The following FGF12 variants were observed in gnomAD, a reference collection of about 807,000 sequenced individuals.
The protein encoded by FGF12 is fibroblast growth factor 12B.
Under a neutral mutation model 23.6 loss-of-function variants are expected in FGF12, and 14 were observed. The ratio of observed to expected loss-of-function variants is 0.59; its 90% CI spans 0.39 to 0.93. FGF12 has a LOEUF of 0.93. FGF12 is among the 40% of genes least tolerant of loss of function. FGF12 has a pLI of 0.00. For synonymous variants in FGF12, 62 were observed against 77.3 expected (o/e 0.80, Z 1.04); for missense variants, 175 against 217.8 (o/e 0.80, Z 1.24).
At chr3:192,690,361 A>C (rs116702110) in intron 2 of FGF12, among the ~76,000 whole-genome samples, 1 of 152,152 alleles carries the variant, frequency 6.6e-6, no homozygotes, top group African/African-American at 2.4e-5. Flanking sequence ...TAACTTGTTA[A>C]TGGTGATATA....
chr3:192,165,436 G>T (rs1482514287), intron 5 of FGF12, among the ~76,000 whole-genome samples: 1 of 151,806 alleles, frequency 6.6e-6, no homozygotes, highest in Non-Finnish European at 1.5e-5. Flanking sequence ...TTCTATGAAG[G>T]AACATGGTTT....
chr3:192,695,171 T>C (rs1036244886), intron 2 of FGF12, among the ~76,000 whole-genome samples: 1 of 152,198 alleles, frequency 6.6e-6, no homozygotes, highest in African/African-American at 2.4e-5. Context: ...AGCATATTTA[T>C]CTCTGAGTTG....
intron 2 of FGF12, among the ~76,000 whole-genome samples, chr3:192,557,513 C>G (rs1253314466): frequency 6.6e-6 from 1 of 151,730 alleles, no homozygotes; most frequent in African/African-American, 2.4e-5. Flanking sequence ...ATCATTTTTT[C>G]TCAAACTCTT....
chr3:192,166,830 GT>G (rs370876138), intron 5 of FGF12, among the ~76,000 whole-genome samples: 129 of 148,728 alleles, frequency 8.7e-4, no homozygotes, highest in African/African-American at 2.9e-3. Flanking sequence ...AACCAATTAA[GT>G]TTTTTTTTTC....
rs560329142 is a variant in FGF12 at position 192,353,602 on chromosome 3, C to A, written c.124+6826G>T. 1.8e-3 allele frequency among the ~76,000 whole-genome samples: 273 copies of A among 152,152 alleles called. 2 individuals carry two copies. The highest frequency in any genetic ancestry group is 6.4e-3 in the African/African-American group (264 of 41,514). On this transcript the variant is annotated intron_variant, in intron 3 of 5. Transcript: ENST00000445105. ...GCCAGGATGGTCTCGATCACCTGAC[C>A]TTGTGATCCGCCAGCCTCGGCCTCC...
intron 2 of FGF12, among the ~76,000 whole-genome samples, chr3:192,696,579 G>A (rs1718131044): frequency 6.6e-6 from 1 of 152,174 alleles, no homozygotes; most frequent in South Asian, 2.1e-4. Context: ...GCTGGAACAA[G>A]AGGCACAAAG....
intron 5 of FGF12, among the ~76,000 whole-genome samples, chr3:192,147,957 A>C (rs537347182): frequency 1.3e-5 from 2 of 152,212 alleles, no homozygotes; most frequent in East Asian, 3.9e-4. Flanking sequence ...TCAAAAAAGA[A>C]AGTAACAAGA....
chr3:192,269,385 T>C (rs540674284), intron 4 of FGF12, among the ~76,000 whole-genome samples: 1 of 152,312 alleles, frequency 6.6e-6, no homozygotes, highest in East Asian at 1.9e-4. Context: ...TCAATGTAGA[T>C]ACAGCCATTT....
intron 4 of FGF12, among the ~76,000 whole-genome samples, chr3:192,306,182 C>T (rs938999982): frequency 1.3e-5 from 2 of 152,120 alleles, no homozygotes; most frequent in African/African-American, 2.4e-5. Flanking sequence ...TACACAAAAA[C>T]ACACAGTTGG....
chr3:192,158,370 C>CTTTCTT (rs1714598678), intron 5 of FGF12, among the ~76,000 whole-genome samples: 1 of 121,548 alleles, frequency 8.2e-6, no homozygotes, highest in Non-Finnish European at 1.7e-5. Flanking sequence ...TTCTTTCTTT[C>CTTTCTT]TTTCTTTCTT....
intron 5 of FGF12, among the ~76,000 whole-genome samples, chr3:192,167,449 C>T (rs964353979): frequency 6.6e-6 from 1 of 151,836 alleles, no homozygotes; most frequent in Non-Finnish European, 1.5e-5. Context: ...TAGCAAAACA[C>T]TGGGAGAGAG....
chr3:192,571,796 C>T (rs1712646794), intron 2 of FGF12, among the ~76,000 whole-genome samples: 1 of 152,198 alleles, frequency 6.6e-6, no homozygotes, highest in Non-Finnish European at 1.5e-5. Context: ...ACTTCCTCAG[C>T]AGCAGCCCCA....
At chr3:192,532,553 CGTT>C (rs1209934480) in intron 2 of FGF12, among the ~76,000 whole-genome samples, 1 of 151,966 alleles carries the variant, frequency 6.6e-6, no homozygotes, top group Non-Finnish European at 1.5e-5. Flanking sequence ...TCAACTTTGT[CGTT>C]GTTGGTGTAT....
chr3:192,412,350 G>A (rs1721224666), intron 2 of FGF12, among the ~76,000 whole-genome samples: 1 of 152,186 alleles, frequency 6.6e-6, no homozygotes, highest in Non-Finnish European at 1.5e-5. Flanking sequence ...AGGAAGTTAT[G>A]AGGAAAGATG....
chr3:192,434,600 T>G lies in FGF12; in HGVS notation c.14-74062A>C, dbSNP rs573882201. Among the ~76,000 whole-genome samples, 38 of 152,306 alleles carry G rather than the reference T, an allele frequency of 2.5e-4. No homozygotes were observed. The South Asian group carries it at 7.0e-3, about 28-fold the overall frequency. The stretch of plus-strand genomic sequence containing the variant: ...CAGAGAGGAAAGGAAAGAAGTGTTC[T>G]GTGATCAATCTTCATATGGAGTTGA... On this transcript the variant is annotated intron_variant, in intron 2 of 5. Coordinates refer to ENST00000445105, the MANE Select transcript of FGF12 (RefSeq NM_004113.6).
At chr3:192,260,970 T>A (rs1044488278) in intron 4 of FGF12, among the ~76,000 whole-genome samples, 1 of 151,960 alleles carries the variant, frequency 6.6e-6, no homozygotes, top group Admixed American at 6.6e-5. Context: ...TTTATCTGGA[T>A]CAGATGTAGG....
intron 2 of FGF12, among the ~76,000 whole-genome samples, chr3:192,456,025 T>A (rs1216178167): frequency 1.3e-5 from 2 of 152,316 alleles, no homozygotes; most frequent in East Asian, 3.9e-4. Flanking sequence ...TAATATGTTA[T>A]CAACTCAACC....
intron 2 of FGF12, among the ~76,000 whole-genome samples, chr3:192,390,552 GAAC>G (rs1208711583): frequency 1.3e-5 from 2 of 152,156 alleles, no homozygotes; most frequent in African/African-American, 2.4e-5. Context: ...TTTCAGGTTG[GAAC>G]AACAAGCCCC....
chr3:192,566,489 G>C (rs1712295468), intron 2 of FGF12, among the ~76,000 whole-genome samples: 1 of 152,188 alleles, frequency 6.6e-6, no homozygotes, highest in Non-Finnish European at 1.5e-5. Flanking sequence ...AAGCTAAAAA[G>C]ACTTGGAGAC....
Sources: allele counts gnomAD v4.1 joint callset (sites outside exome capture counted in the v4.1 genomes callset), GRCh38; gene constraint gnomAD v4.1.1; transcripts MANE v1.5; gene names NCBI Gene and HGNC (gene_info 2026-07-23, HGNC 2026-07-21).